EPHA8: variants seen among roughly 807,000 people sequenced by gnomAD.
EPHA8 encodes ephrin type-A receptor 8.
Under a neutral mutation model 103.6 loss-of-function variants are expected in EPHA8, and 58 were observed. That is an observed-to-expected ratio of 0.56 (90% CI 0.45 to 0.70). The LOEUF (loss-of-function observed/expected upper bound fraction) is 0.70. EPHA8 is among the 30% of genes least tolerant of loss of function. The pLI is 0.00. For synonymous variants in EPHA8, 559 were observed against 572.5 expected (o/e 0.98, Z 0.34); for missense variants, 1,304 against 1,395.2 (o/e 0.93, Z 1.04).
chr1:22,569,650 AAAG>A lies in EPHA8; in HGVS notation c.159+301_159+303del, dbSNP rs1281838037. ...ATTCATGAGGTGCCAGGCCAGGACT[AAAG>A]AAGGCCAGCCAGGCCTTCCTGCCTT... On this transcript the variant is annotated intron_variant, in intron 2 of 16. Transcript: ENST00000166244. The surrounding 1 kb of genome is among the most constrained non-coding windows in gnomAD (Gnocchi z 4.5). Among the ~76,000 whole-genome samples the A allele has an allele frequency of 6.6e-6, 1 of 152,154 alleles. No individual in the cohort carries two copies. Among genetic ancestry groups the A allele is most frequent in the Non-Finnish European group, 1.5e-5 (1 of 68,022 alleles).
At chr1:22,600,064 G>A (rs1160140886) in intron 13 of EPHA8, among the ~76,000 whole-genome samples, 1 of 117,034 alleles carries the variant, frequency 8.5e-6, no homozygotes, top group African/African-American at 3.8e-5. Context: ...AAGGAAGGGG[G>A]GATGGAGGGA....
intron 2 of EPHA8, among the ~76,000 whole-genome samples, chr1:22,574,269 G>A (rs534076648): frequency 2.0e-5 from 3 of 151,414 alleles, no homozygotes; most frequent in Non-Finnish European, 3.0e-5. Context: ...GTGAGCCACC[G>A]CGCCCGGCCA....
rs961257266 is a variant in EPHA8 at position 22,598,738 on chromosome 1, C to A, written c.2179-100C>A. On this transcript the variant is annotated intron_variant, in intron 12 of 16. Transcript: ENST00000166244. The surrounding 1 kb of genome is among the most constrained non-coding windows in gnomAD (Gnocchi z 5.1). ...GCGCACTTGGCAAATTGCAAAGCAC[C>A]GTCTCAACTCGAGAGCATCCTACAG... is the stretch of plus-strand genomic sequence containing the variant. The A allele has an allele frequency of 2.4e-6, 3 of 1,226,130 alleles. No homozygotes were observed. Among genetic ancestry groups the A allele is most frequent in the East Asian group, 2.5e-5 (1 of 40,234 alleles). The allele number at this position is 1,226,130 out of a possible 1,614,324, so 76.0% of individuals were successfully genotyped here.
chr1:22,601,140 C>A, intron 15 of EPHA8, 52 bp downstream of exon 15: 1 of 1,564,102 alleles, frequency 6.4e-7, no homozygotes, highest in Non-Finnish European at 8.7e-7. Flanking sequence ...CCCAGTATTG[C>A]CCCAGATCTG....
In EPHA8 at chr1:22,596,097, C is replaced by T; in HGVS notation, c.1698-9C>T. 6.2e-7 allele frequency: 1 copy of T among 1,613,548 alleles called. No individual in the cohort carries two copies. The highest frequency in any genetic ancestry group is 2.2e-5 in the East Asian group (1 of 44,870). ...CTGGCCTCAGGCAGGGCGGTGCCCT[C>T]CTCTGCAGGCACTGTGGCTACAGCA... On this transcript the variant is annotated splice_polypyrimidine_tract_variant and intron_variant, in intron 8 of 16. Transcript: ENST00000166244.
intron 3 of EPHA8, among the ~76,000 whole-genome samples, chr1:22,578,240 G>C (rs1348849435): frequency 7.0e-6 from 1 of 143,434 alleles, no homozygotes; most frequent in Non-Finnish European, 1.5e-5. Flanking sequence ...GTGTATGTGT[G>C]CATGTGTGTG....
intron 8 of EPHA8, 107 bp from the exon 9 acceptor site, chr1:22,595,999 C>T: frequency 2.0e-6 from 2 of 995,842 alleles, no homozygotes; most frequent in Non-Finnish European, 3.1e-6. Context: ...GCTGACCTGT[C>T]AGGGGAAGGG....
intron 3 of EPHA8, among the ~76,000 whole-genome samples, chr1:22,585,046 T>TGC (rs887715708): frequency 4.4e-5 from 5 of 112,436 alleles, no homozygotes; most frequent in African/African-American, 1.5e-4. Flanking sequence ...TGTGTGTGTG[T>TGC]GTGTGCGCAC....
rs141532503 is a variant in EPHA8, at chr1:22,597,369, A to T, written c.1823A>T (p.Gln608Leu). Residue 608 changes from glutamine (Q) to leucine (L), a missense_variant, in exon 10 of 17, where the codon CAG (glutamine) becomes CTG (leucine). Physicochemically the swap from Gln to Leu is moderately radical, Grantham distance 113. Coordinates refer to ENST00000166244, the MANE Select transcript of EPHA8 (RefSeq NM_020526.5). The surrounding 1 kb of genome is among the most constrained non-coding windows in gnomAD (Gnocchi z 4.6). Reference sequence around the variant, plus strand: ...CCCCCGGGAAAGCTCCCAGAGCCCCAGTTCTATGCGGAACCCCACACCTAC... The same window carrying T: ...CCCCCGGGAAAGCTCCCAGAGCCCCTGTTCTATGCGGAACCCCACACCTAC... ...HHPPGKLPEP[Q>L]FYAEPHTYEE... is the part of the protein sequence containing the mutation. 60 of 1,612,334 alleles carry T rather than the reference A, an allele frequency of 3.7e-5. No homozygotes were observed. Among genetic ancestry groups the T allele is most frequent in the Non-Finnish European group, 5.1e-5 (60 of 1,179,498 alleles).
chr1:22,579,330 CAT>C (rs954052451), intron 3 of EPHA8, among the ~76,000 whole-genome samples: 5 of 146,654 alleles, frequency 3.4e-5, no homozygotes, highest in Admixed American at 2.0e-4. Context: ...TGCATGTGTC[CAT>C]GTGTGCATGA....
chr1:22,583,224 A>G (rs586823), intron 3 of EPHA8, among the ~76,000 whole-genome samples: 49,520 of 152,184 alleles, frequency 0.33, 10,296 homozygotes, highest in African/African-American at 0.6. Context: ...GCCCAGAGCC[A>G]CTCCATCTGT....
At chr1:22,584,497 TTG>T (rs1214127247) in intron 3 of EPHA8, among the ~76,000 whole-genome samples, 2 of 152,232 alleles carry the variant, frequency 1.3e-5, no homozygotes, top group East Asian at 1.9e-4. Context: ...TCTCTCAAGT[TTG>T]TAGAATTTTA....
chr1:22,578,957 C>G (rs10917258), intron 3 of EPHA8, among the ~76,000 whole-genome samples: 1 of 135,984 alleles, frequency 7.4e-6, no homozygotes, highest in East Asian at 2.6e-4. Flanking sequence ...GCATGTGTGT[C>G]CATGTGTATG....
intron 4 of EPHA8, 104 bp downstream of exon 4, chr1:22,586,739 C>G: frequency 7.0e-7 from 1 of 1,432,502 alleles, no homozygotes; most frequent in Admixed American, 2.0e-5. Context: ...GCTGGTGGGG[C>G]AGGGGCGGGT....
intron 3 of EPHA8, among the ~76,000 whole-genome samples, 182 bp downstream of exon 3, chr1:22,577,062 C>T (rs1424807539): frequency 6.6e-6 from 1 of 152,106 alleles, no homozygotes; most frequent in Non-Finnish European, 1.5e-5. Flanking sequence ...CACCTGTGTC[C>T]GTGTGTTGGG....
chr1:22,600,703 G>A lies in EPHA8; in HGVS notation c.2431G>A (p.Ala811Thr), dbSNP rs555665976. Reference sequence around the variant, plus strand: ...CCGCTGGACGGCCCCAGAGGCCATCGCCTTCCGCACCTTCTCCTCGGCCAG... The same window carrying A: ...CCGCTGGACGGCCCCAGAGGCCATCACCTTCCGCACCTTCTCCTCGGCCAG... ...PIRWTAPEAI[A>T]FRTFSSASDV... is the part of the protein sequence containing the mutation. The change falls in exon 14 of 17, where the codon GCC becomes ACC. Residue 811 changes from alanine to threonine, a missense_variant. Ala to Thr is a moderately conservative substitution (Grantham distance 58, BLOSUM62 0). Coordinates refer to ENST00000166244, the MANE Select transcript of EPHA8 (RefSeq NM_020526.5). 9.9e-6 allele frequency: 16 copies of A among 1,613,602 alleles called. No homozygotes were observed. The highest frequency in any genetic ancestry group is 2.7e-5 in the African/African-American group (2 of 75,034).
chr1:22,586,870 T>G (rs1641227149), intron 4 of EPHA8, among the ~76,000 whole-genome samples: 1 of 152,176 alleles, frequency 6.6e-6, no homozygotes, highest in Admixed American at 6.5e-5. Flanking sequence ...GAGGGCAGAA[T>G]GGAGCTGGCC....
Position 22,597,429 on chromosome 1 carries a change from G to C in EPHA8, c.1883G>C (p.Arg628Pro). The change falls in exon 10 of 17, where the codon CGG becomes CCG. Residue 628 changes from arginine (R) to proline (P), a missense_variant. Physicochemically the swap from Arg to Pro is moderately radical, Grantham distance 103 (BLOSUM62 -2). Transcript: ENST00000166244. This position sits in a 1 kb window ranked among gnomAD's most constrained non-coding sequence, Gnocchi z 4.6. ...EPGRAGRSFT[R>P]EIEASRIHIE... ...GGCCGGGCGGGCCGCAGTTTCACTCGGGAGATCGAGGCCTCTAGGATCCAC... is the reference window on the plus strand; with the variant it reads ...GGCCGGGCGGGCCGCAGTTTCACTCCGGAGATCGAGGCCTCTAGGATCCAC... 2 of 1,613,548 alleles carry C rather than the reference G, an allele frequency of 1.2e-6. No homozygotes were observed. The highest frequency in any genetic ancestry group is 1.6e-4 in the Middle Eastern group (1 of 6,062).
chr1:22,576,646 C>A lies in EPHA8; in HGVS notation c.589C>A (p.Leu197Ile). ...DIGACLAILS[L>I]RIYYKKCPAM... ...AGGTGCCTGCCTGGCCATCCTCTCT[C>A]TCCGCATCTACTATAAGAAGTGCCC... The change falls in exon 3 of 17, where the codon CTC becomes ATC. Residue 197 changes from leucine (L) to isoleucine (I), a missense_variant. Physicochemically the swap from Leu to Ile is conservative, Grantham distance 5. Coordinates refer to ENST00000166244, the MANE Select transcript of EPHA8 (RefSeq NM_020526.5). The surrounding 1 kb of genome is among the most constrained non-coding windows in gnomAD (Gnocchi z 4.8). 6.2e-7 allele frequency: 1 copy of A among 1,613,942 alleles called. No individual in the cohort carries two copies. Among genetic ancestry groups the A allele is most frequent in the East Asian group, 2.2e-5 (1 of 44,872 alleles).
Sources: gnomAD v4.1 joint callset for allele counts (sites outside exome capture counted in the v4.1 genomes callset) on GRCh38, gnomAD v4.1.1 for gene constraint, Gnocchi (gnomAD v3.1) non-coding constraint, MANE v1.5 for transcripts, NCBI Gene and HGNC (gene_info 2026-07-23, HGNC 2026-07-21) for gene names.